HOXB3: variants seen among roughly 807,000 people sequenced by gnomAD.
The protein encoded by HOXB3 is homeobox B3.
In HOXB3, 17 loss-of-function variants were observed where a neutral mutation model predicts 29.2. The observed-to-expected ratio is 0.58, with a 90% CI of 0.40 to 0.87. HOXB3 has a LOEUF of 0.87. HOXB3 is among the 40% of genes least tolerant of loss of function. HOXB3 has a pLI of 0.00. For synonymous variants in HOXB3, 317 were observed against 285.9 expected, an observed-to-expected ratio of 1.11 and a Z score of -1.10; for missense variants, 637 against 616.3, an observed-to-expected ratio of 1.03 and a Z score of -0.35.
chr17:48,571,201 T>C (rs915201350), intron 2 of HOXB3, among the ~76,000 whole-genome samples: 1 of 152,240 alleles, frequency 6.6e-6, no homozygotes, highest in African/African-American at 2.4e-5. Flanking sequence ...AAGGCGAGAT[T>C]GATTTACGAA....
intron 1 of HOXB3, chr17:48,581,390 AC>A: frequency 6.6e-6 from 1 of 152,266 alleles, no homozygotes; most frequent in Non-Finnish European, 1.5e-5. Flanking sequence ...GTAATCTCAG[AC>A]CCCCATCTGG....
At chr17:48,561,727 C>G (rs1243882600) in intron 2 of HOXB3, among the ~76,000 whole-genome samples, 1 of 152,200 alleles carries the variant, frequency 6.6e-6, no homozygotes, top group Non-Finnish European at 1.5e-5. Flanking sequence ...TGTCTAGAGT[C>G]ATACTTGGGA....
At chr17:48,585,791 T>C (rs1350423753) in intron 1 of HOXB3, among the ~76,000 whole-genome samples, 1 of 152,224 alleles carries the variant, frequency 6.6e-6, no homozygotes. Flanking sequence ...GGGTATCCTC[T>C]ATCATGCCTC....
intron 1 of HOXB3, among the ~76,000 whole-genome samples, chr17:48,583,885 G>A (rs1322770916): frequency 6.6e-6 from 1 of 152,168 alleles, no homozygotes; most frequent in Admixed American, 6.5e-5. Context: ...AAATCTATTT[G>A]AAATTTGATA....
chr17:48,584,106 A>G (rs952246352), intron 1 of HOXB3, among the ~76,000 whole-genome samples: 2 of 152,222 alleles, frequency 1.3e-5, no homozygotes, highest in Non-Finnish European at 2.9e-5. Flanking sequence ...CTCTCTAGGC[A>G]TTTGCTCATG....
In HOXB3 at chr17:48,554,884, C is replaced by T. The variant is rs1444889649; in HGVS notation, c.-159+647G>A. The stretch of plus-strand genomic sequence containing the variant: ...GGAAGAGAGAAAGGTGCTAAGGGGA[C>T]CCAAGATCTGGGATCCAGAACAAGA... On this transcript the variant is annotated intron_variant, in intron 3 of 4. Transcript: ENST00000498678. The surrounding 1 kb of genome is among the most constrained non-coding windows in gnomAD (Gnocchi z 4.1). The T allele has an allele frequency of 1.4e-6, 1 of 696,730 alleles. No homozygotes were observed. Among genetic ancestry groups the T allele is most frequent in the African/African-American group, 1.8e-5 (1 of 56,908 alleles). The allele number at this position is 696,730 out of a possible 1,614,324, so 43.2% of individuals were successfully genotyped here.
At chr17:48,563,218 G>C (rs896597178) in intron 2 of HOXB3, among the ~76,000 whole-genome samples, 1 of 152,260 alleles carries the variant, frequency 6.6e-6, no homozygotes, top group African/African-American at 2.4e-5. Flanking sequence ...GCAGGGGCCA[G>C]GAGGCCAGGC....
Position 48,549,608 on chromosome 17 carries a change from C to T in HOXB3, c.*726G>A, listed in dbSNP as rs947390882. On this transcript the variant is annotated 3_prime_UTR_variant, in exon 5 of 5. Coordinates refer to ENST00000498678, the MANE Select transcript of HOXB3 (RefSeq NM_001384749.1). ...ATGGGCAAACCTTCAGTCCTAACAA[C>T]CTGCCTGCCCTAGCCTCCACACTTT... 8 of 152,528 alleles carry T rather than the reference C, an allele frequency of 5.2e-5. No individual in the cohort carries two copies. Among genetic ancestry groups the T allele is most frequent in the African/African-American group, 1.9e-4 (8 of 41,414 alleles). The allele number at this position is 152,528 out of a possible 1,614,324, so 9.4% of individuals were successfully genotyped here. A position where few individuals can be genotyped will look rare whatever the true frequency, so the allele number is the denominator to read the frequency against.
At chr17:48,563,640 T>G (rs1310190847) in intron 2 of HOXB3, among the ~76,000 whole-genome samples, 2 of 152,228 alleles carry the variant, frequency 1.3e-5, no homozygotes, top group African/African-American at 4.8e-5. Flanking sequence ...TTCTCTGGCC[T>G]CTGCTCTGTT....
chr17:48,572,287 T>C (rs1358803807), intron 2 of HOXB3, among the ~76,000 whole-genome samples: 1 of 152,074 alleles, frequency 6.6e-6, no homozygotes, highest in African/African-American at 2.4e-5. Context: ...ATTGAGGAGA[T>C]TGAGAATTAG....
At chr17:48,556,380 G>C (rs2068991559) in intron 2 of HOXB3, 1 of 151,972 alleles carries the variant, frequency 6.6e-6, no homozygotes, top group African/African-American at 2.4e-5. Flanking sequence ...TGGAACACCA[G>C]GACTTTTTTA....
intron 1 of HOXB3, chr17:48,576,692 C>T (rs1332433879): frequency 2.6e-6 from 4 of 1,553,588 alleles, no homozygotes; most frequent in Admixed American, 3.6e-5. Flanking sequence ...ACCCCCACCC[C>T]GAGGTTCGTG....
At chr17:48,577,817 G>A in intron 1 of HOXB3, 1 of 1,368,310 alleles carries the variant, frequency 7.3e-7, no homozygotes. Context: ...TCCCTTTGGT[G>A]TAAAGCTCCA....
chr17:48,578,601 C>T, intron 1 of HOXB3: 1 of 380,912 alleles, frequency 2.6e-6, no homozygotes, highest in South Asian at 2.7e-5. Flanking sequence ...GGGGCGACCC[C>T]CTCCTTGCCT....
At chr17:48,584,712 G>A (rs1597859690) in intron 1 of HOXB3, among the ~76,000 whole-genome samples, 2 of 152,230 alleles carry the variant, frequency 1.3e-5, no homozygotes, top group Non-Finnish European at 2.9e-5. Flanking sequence ...ACCCTTAAGC[G>A]CTGTCTTTTC....
chr17:48,550,279 GCT>G lies in HOXB3; in HGVS notation c.*53_*54del, dbSNP rs776869808. On this transcript the variant is annotated 3_prime_UTR_variant, in exon 5 of 5. Transcript: ENST00000498678. Reference sequence around the variant, plus strand: ...TCAGACCTCCAGGTTGCCCCCCAGAGCTCCACAGTCTCTCTCTTCCTCCCCAT... The same window carrying G: ...TCAGACCTCCAGGTTGCCCCCCAGAGCCACAGTCTCTCTCTTCCTCCCCAT... 3,089 of 1,609,172 alleles carry G rather than the reference GCT, an allele frequency of 1.9e-3. 3 individuals are homozygous for G. The highest frequency in any genetic ancestry group is 2.5e-3 in the Non-Finnish European group (2,938 of 1,178,672).
In HOXB3 at chr17:48,579,240, G is replaced by A. The variant is rs934980728; in HGVS notation, c.-424-5226C>T. 2.6e-5 allele frequency: 4 copies of A among 152,242 alleles called. No homozygotes were observed. In the East Asian group the frequency reaches 5.8e-4, roughly 22 times the overall value. 9.4% of individuals were successfully genotyped at this position (152,242 alleles called of 1,614,324 possible). A position where few individuals can be genotyped will look rare whatever the true frequency, so the allele number is the denominator to read the frequency against. Reference sequence around the variant, plus strand: ...GGGTAAAAAAACCTGCAACTTTTGAGAGCAAAATTGATTAGCAATTTGCTA... The same window carrying A: ...GGGTAAAAAAACCTGCAACTTTTGAAAGCAAAATTGATTAGCAATTTGCTA... On this transcript the variant is annotated intron_variant, in intron 1 of 4. Transcript: ENST00000498678.
In HOXB3 at chr17:48,552,571, A is replaced by ACCCCCCCCCCCCC. The variant is rs59742556; in HGVS notation, c.-98_-97insGGGGGGGGGGGGG. ...CCCTGGGGGTCACGTGACACGCCGG[A>ACCCCCCCCCCCCC]CCCCCCCCCCCCACCTCCCCTCTCT... On this transcript the variant is annotated 5_prime_UTR_variant, in exon 4 of 5. An upstream open reading frame in the 5' UTR gains an earlier in-frame stop. Coordinates refer to ENST00000498678, the MANE Select transcript of HOXB3 (RefSeq NM_001384749.1). 1 of 504,638 alleles carries ACCCCCCCCCCCCC rather than the reference A, an allele frequency of 2.0e-6. No individual in the cohort carries two copies. The highest frequency in any genetic ancestry group is 3.0e-6 in the Non-Finnish European group (1 of 331,810). 31.3% of individuals were successfully genotyped at this position (504,638 alleles called of 1,614,324 possible). A position where few individuals can be genotyped will look rare whatever the true frequency, so the allele number is the denominator to read the frequency against.
chr17:48,564,526 C>T (rs935017844), intron 2 of HOXB3, among the ~76,000 whole-genome samples: 1 of 152,232 alleles, frequency 6.6e-6, no homozygotes, highest in African/African-American at 2.4e-5. Flanking sequence ...TCCTGAGAAG[C>T]TCCCACTCCG....
Sources: gnomAD v4.1 joint callset for allele counts (sites outside exome capture counted in the v4.1 genomes callset) on GRCh38, gnomAD v4.1.1 for gene constraint, Gnocchi (gnomAD v3.1) non-coding constraint, MANE v1.5 for transcripts, NCBI Gene and HGNC (gene_info 2026-07-23, HGNC 2026-07-21) for gene names.